The following ACACA variants were observed in gnomAD, a reference collection of about 807,000 sequenced individuals.
ACACA encodes acetyl-CoA carboxylase alpha.
In ACACA, 103 loss-of-function variants were observed where a neutral mutation model predicts 296.1. The observed-to-expected ratio is 0.35, with a 90% confidence interval of 0.30 to 0.41. The LOEUF is 0.41. Ranked by LOEUF, ACACA falls within the 10% of genes least tolerant of loss-of-function variation. The pLI, the probability that ACACA is intolerant of heterozygous loss-of-function variation, is 1.00. For missense variants in ACACA, 1,554 were observed against 2,989.7 expected (o/e 0.52, Z 11.20); for synonymous variants, 953 against 1,038.6 (o/e 0.92, Z 1.58).
At chr17:37,281,166 T>G (rs1039179694) in intron 5 of ACACA, among the ~76,000 whole-genome samples, 1 of 151,814 alleles carries the variant, frequency 6.6e-6, no homozygotes, top group Non-Finnish European at 1.5e-5. Flanking sequence ...GTTCATGCGA[T>G]TCTCCTGCCT....
intron 45 of ACACA, 96 bp from the exon 46 acceptor site, chr17:37,130,314 A>G (rs1302298102): frequency 6.8e-7 from 1 of 1,461,214 alleles, no homozygotes; most frequent in African/African-American, 1.4e-5. Flanking sequence ...TTTTCTCCAC[A>G]AAACAGAGAT....
chr17:37,094,107 G>A (rs986715127), intron 54 of ACACA, among the ~76,000 whole-genome samples: 2 of 152,166 alleles, frequency 1.3e-5, no homozygotes, highest in African/African-American at 4.8e-5. Flanking sequence ...TGTGTGCCAT[G>A]TTCTTATGAC....
At chr17:37,390,316 A>ATT (rs1555672312) in intron 1 of ACACA, among the ~76,000 whole-genome samples, 1 of 50,656 alleles carries the variant, frequency 2.0e-5, no homozygotes, top group Non-Finnish European at 3.0e-5. Context: ...ATATATATAT[A>ATT]TATATATATA....
chr17:37,108,651 G>C (rs1256101104), intron 52 of ACACA, among the ~76,000 whole-genome samples: 1 of 152,184 alleles, frequency 6.6e-6, no homozygotes, highest in Non-Finnish European at 1.5e-5. Flanking sequence ...TCCTCCTAAA[G>C]TGCTGGGATT....
At chr17:37,221,122 G>A (rs1368973262) in intron 29 of ACACA, among the ~76,000 whole-genome samples, 2 of 152,032 alleles carry the variant, frequency 1.3e-5, no homozygotes, top group Admixed American at 6.5e-5. Context: ...AAACAAAAAC[G>A]TCCATATGTA....
chr17:37,235,207 C>T, intron 24 of ACACA, 108 bp from the exon 25 acceptor site: 1 of 1,374,456 alleles, frequency 7.3e-7, no homozygotes. Context: ...TGAGAAGAAA[C>T]ATCATAAGGA....
chr17:37,120,895 T>C (rs577176147), intron 50 of ACACA, among the ~76,000 whole-genome samples: 4 of 152,314 alleles, frequency 2.6e-5, no homozygotes, highest in Middle Eastern at 3.4e-3. Flanking sequence ...TAGATAATAA[T>C]ATAACATAGC....
At position 37,390,312 on chromosome 17, in the gene ACACA, AT is replaced by A. The variant is rs1568096145; in HGVS notation, c.38+15949del. Among the ~76,000 whole-genome samples, 4 of 42,908 alleles carry A rather than the reference AT, an allele frequency of 9.3e-5. 1 individual carries two copies. The highest frequency in any genetic ancestry group is 1.5e-4 in the African/African-American group (1 of 6,764). 28.1% of individuals were successfully genotyped at this position (42,908 alleles called of 152,430 possible). ...TTATATATTATACATAATTATATAT[AT>A]ATATATATATATATATATATAAAAG... On this transcript the variant is annotated intron_variant, in intron 1 of 55. Coordinates refer to ENST00000616317, the MANE Select transcript of ACACA (RefSeq NM_198834.3).
intron 39 of ACACA, among the ~76,000 whole-genome samples, chr17:37,185,407 T>TG (rs1298764739): frequency 1.3e-4 from 17 of 127,832 alleles, no homozygotes; most frequent in Non-Finnish European, 2.6e-4. Flanking sequence ...TATTTCTTTT[T>TG]TTTTTTTTTT....
chr17:37,089,142 G>A, intron 54 of ACACA, 68 bp from the exon 55 acceptor site: 1 of 1,608,360 alleles, frequency 6.2e-7, no homozygotes, highest in South Asian at 1.1e-5. Flanking sequence ...GACTATTCAG[G>A]ATCTGGAGTG....
chr17:37,132,729 C>G (rs1032428428), intron 45 of ACACA, among the ~76,000 whole-genome samples: 2 of 152,168 alleles, frequency 1.3e-5, no homozygotes, highest in African/African-American at 2.4e-5. Flanking sequence ...TAGAATCTTA[C>G]ACATCTCCAA....
At chr17:37,275,216 C>A (rs999606140) in intron 8 of ACACA, among the ~76,000 whole-genome samples, 1 of 151,924 alleles carries the variant, frequency 6.6e-6, no homozygotes, top group South Asian at 2.1e-4. Context: ...AAAACATTGG[C>A]GCCAGGCGCG....
chr17:37,194,930 G>C (rs1259467361), intron 35 of ACACA, among the ~76,000 whole-genome samples: 1 of 150,998 alleles, frequency 6.6e-6, no homozygotes, highest in East Asian at 1.9e-4. Flanking sequence ...ATAATTCTCT[G>C]ACACCCCCCC....
At chr17:37,362,950 G>A (rs2049459209) in intron 1 of ACACA, among the ~76,000 whole-genome samples, 1 of 148,164 alleles carries the variant, frequency 6.7e-6, no homozygotes, top group Non-Finnish European at 1.5e-5. Context: ...ACTCCAGCCT[G>A]GCGACAGAGC....
At chr17:37,286,960 T>C (rs930155192) in intron 3 of ACACA, among the ~76,000 whole-genome samples, 1 of 152,224 alleles carries the variant, frequency 6.6e-6, no homozygotes, top group African/African-American at 2.4e-5. Context: ...TTGTTGTTGT[T>C]CTTTTATTCT....
intron 2 of ACACA, among the ~76,000 whole-genome samples, chr17:37,330,627 A>T (rs541294015): frequency 2.0e-5 from 3 of 152,324 alleles, no homozygotes; most frequent in African/African-American, 4.8e-5. Context: ...ATGCCCATAA[A>T]TTAAAACCAG....
chr17:37,141,294 C>G (rs1347338166), intron 45 of ACACA: 1 of 530,270 alleles, frequency 1.9e-6, no homozygotes, highest in East Asian at 4.8e-5. Flanking sequence ...ACTTGGTCAT[C>G]CATTCCTTGC....
chr17:37,354,114 A>C (rs1003861829), intron 1 of ACACA, among the ~76,000 whole-genome samples: 1 of 152,200 alleles, frequency 6.6e-6, no homozygotes, highest in Non-Finnish European at 1.5e-5. Context: ...TCTCAAAATA[A>C]AGAAAATAAT....
rs2081301736 is a variant in ACACA at position 37,258,207 on chromosome 17, G to C, written c.1662+5C>G. The C allele has an allele frequency of 6.2e-7, 1 of 1,613,972 alleles. No individual in the cohort carries two copies. On this transcript the variant is annotated splice_donor_5th_base_variant and intron_variant, in intron 13 of 55. Coordinates refer to ENST00000616317, the MANE Select transcript of ACACA (RefSeq NM_198834.3). ...GAGGTATAAACCTTTTAAGTGATGG[G>C]TTACCTCATCTGGATTTTCACTAGT... is the stretch of plus-strand genomic sequence containing the variant.
Sources: allele counts gnomAD v4.1 joint callset (sites outside exome capture counted in the v4.1 genomes callset), GRCh38; gene constraint gnomAD v4.1.1; transcripts MANE v1.5; gene names NCBI Gene and HGNC (gene_info 2026-07-23, HGNC 2026-07-21).